CEP192: variants seen among roughly 807,000 people sequenced by gnomAD.
The protein encoded by CEP192 is centrosomal protein of 192 kDa.
Under a neutral mutation model 271.8 loss-of-function variants are expected in CEP192, and 151 were observed. That is an observed-to-expected ratio of 0.56 (90% confidence interval 0.49 to 0.64). The LOEUF (loss-of-function observed/expected upper bound fraction) is 0.64. CEP192 is among the 30% of genes least tolerant of loss of function. CEP192 has a pLI of 0.00. For synonymous variants in CEP192, 995 were observed against 1,076.5 expected, an observed-to-expected ratio of 0.92 and a Z score of 1.48; for missense variants, 2,910 against 3,020.5, an observed-to-expected ratio of 0.96 and a Z score of 0.86.
At chr18:13,037,698 G>A (rs2143729120) in intron 12 of CEP192, among the ~76,000 whole-genome samples, 1 of 152,284 alleles carries the variant, frequency 6.6e-6, no homozygotes, top group East Asian at 1.9e-4. Context: ...TGGGATTGCA[G>A]GCATGTGCTA....
chr18:12,992,487 C>T (rs1353014027), intron 1 of CEP192, among the ~76,000 whole-genome samples: 1 of 151,786 alleles, frequency 6.6e-6, no homozygotes, highest in Admixed American at 6.6e-5. Flanking sequence ...AATTTGAGGT[C>T]ACTACTTTAA....
At chr18:13,069,337 T>C (rs2144401487) in intron 26 of CEP192, among the ~76,000 whole-genome samples, 156 bp downstream of exon 26, 1 of 152,206 alleles carries the variant, frequency 6.6e-6, no homozygotes, top group East Asian at 1.9e-4. Context: ...GGGTGTTATA[T>C]AGCATAAAAT....
In CEP192 at chr18:13,072,666, A is replaced by G. The variant is rs1598514394; in HGVS notation, c.5349-89A>G. ...TTGTATAGTTAGTCCATCTCTAGAC[A>G]TTGTGGTTGGTTTTAATTGGCTTTA... is the stretch of plus-strand genomic sequence containing the variant. On this transcript the variant is annotated intron_variant, in intron 28 of 44. Coordinates refer to ENST00000506447, the MANE Select transcript of CEP192 (RefSeq NM_032142.4). 1.1e-5 allele frequency: 9 copies of G among 845,820 alleles called. No individual in the cohort carries two copies. The East Asian group carries it at 1.7e-4, about 16-fold the overall frequency. The allele number at this position is 845,820 out of a possible 1,614,324, so 52.4% of individuals were successfully genotyped here.
At chr18:13,033,180 G>T (rs1019844019) in intron 11 of CEP192, among the ~76,000 whole-genome samples, 7 of 152,074 alleles carry the variant, frequency 4.6e-5, no homozygotes, top group Non-Finnish European at 1.0e-4. Flanking sequence ...GAGAATAAAA[G>T]ATTTGCAATT....
chr18:13,089,615 A>G (rs754895589), intron 33 of CEP192, 50 bp downstream of exon 33: 11 of 887,774 alleles, frequency 1.2e-5, no homozygotes, highest in Non-Finnish European at 1.7e-5. Flanking sequence ...GGTCATTTAT[A>G]GTATTATCTA....
At chr18:13,024,267 C>A in intron 9 of CEP192, 1 of 454,282 alleles carries the variant, frequency 2.2e-6, no homozygotes, top group Non-Finnish European at 4.4e-6. Flanking sequence ...TGATAACTTT[C>A]CCTACTTTGA....
intron 21 of CEP192, among the ~76,000 whole-genome samples, chr18:13,064,706 C>G (rs2037597490): frequency 6.6e-6 from 1 of 151,464 alleles, no homozygotes; most frequent in African/African-American, 2.4e-5. Flanking sequence ...TGGTTTTATG[C>G]CAGTACCATG....
At chr18:13,109,986 G>A (rs12607661) in intron 40 of CEP192, among the ~76,000 whole-genome samples, 20,851 of 152,004 alleles carry the variant, frequency 0.14, 1,585 homozygotes, top group East Asian at 0.32. Context: ...TGAACCCCTC[G>A]AATATGTTTT....
At chr18:13,048,446 A>G (rs921115303) in intron 15 of CEP192, among the ~76,000 whole-genome samples, 1 of 152,228 alleles carries the variant, frequency 6.6e-6, no homozygotes, top group African/African-American at 2.4e-5. Context: ...ATTTGGATAC[A>G]CCAGAGAGGA....
intron 21 of CEP192, among the ~76,000 whole-genome samples, chr18:13,067,152 A>G (rs758999580): frequency 6.6e-6 from 1 of 152,228 alleles, no homozygotes; most frequent in Non-Finnish European, 1.5e-5. Context: ...TTCTCTAACA[A>G]TAAAGTATAA....
At chr18:13,034,555 C>T (rs2035809762) in intron 11 of CEP192, among the ~76,000 whole-genome samples, 1 of 151,996 alleles carries the variant, frequency 6.6e-6, no homozygotes, top group African/African-American at 2.4e-5. Flanking sequence ...CGCCTGTAAT[C>T]CCAGCACTTT....
chr18:13,011,413 A>G (rs1452710927), intron 4 of CEP192, among the ~76,000 whole-genome samples: 1 of 152,206 alleles, frequency 6.6e-6, no homozygotes, highest in African/African-American at 2.4e-5. Context: ...GCAGTTTGAC[A>G]GTTCCTCAAA....
Position 13,030,003 on chromosome 18 carries a change from G to GT in CEP192, c.1390+2dup. 1 of 1,527,266 alleles carries GT rather than the reference G, an allele frequency of 6.5e-7. No homozygotes were observed. The allele number at this position is 1,527,266 out of a possible 1,614,324, so 94.6% of individuals were successfully genotyped here. On this transcript the variant is annotated splice_donor_variant, in intron 10 of 44. Transcript: ENST00000506447. LOFTEE classifies it high-confidence loss of function. ...GAGTCCATCGAAAAGAATAAAGACA[G>GT]TAAGTGGACTTTTTAAAAAATAGAG... is the stretch of plus-strand genomic sequence containing the variant.
At chr18:13,054,669 A>C (rs2036985540) in intron 18 of CEP192, among the ~76,000 whole-genome samples, 1 of 152,240 alleles carries the variant, frequency 6.6e-6, no homozygotes, top group African/African-American at 2.4e-5. Flanking sequence ...CTTGTCACCT[A>C]GTAAGTCACC....
In CEP192 at chr18:13,018,588, A is replaced by G. The variant is rs1392338752; in HGVS notation, c.898A>G (p.Ser300Gly). The G allele has an allele frequency of 2.6e-6, 4 of 1,539,540 alleles. No individual in the cohort carries two copies. The East Asian group carries it at 7.4e-5, about 28-fold the overall frequency. ...SETTHKESEE[S>G]QVICLPGTSN... ...AACAACTCACAAAGAGTCTGAGGAAAGCCAAGTTATTTGTCTACCTGGGAC... is the reference window on the plus strand; with the variant it reads ...AACAACTCACAAAGAGTCTGAGGAAGGCCAAGTTATTTGTCTACCTGGGAC... The change falls in exon 8 of 45, where the codon AGC (serine) becomes GGC (glycine). Residue 300 changes from serine to glycine, a missense_variant. Coordinates refer to ENST00000506447, the MANE Select transcript of CEP192 (RefSeq NM_032142.4).
At chr18:13,072,899 T>G (rs778741004) in intron 29 of CEP192, 54 bp downstream of exon 29, 4 of 1,529,066 alleles carry the variant, frequency 2.6e-6, no homozygotes, top group Non-Finnish European at 3.6e-6. Flanking sequence ...CTGGAACACT[T>G]GCATATGCAG....
At chr18:13,038,696 A>G in intron 13 of CEP192, 117 bp downstream of exon 13, 1 of 786,262 alleles carries the variant, frequency 1.3e-6, no homozygotes, top group South Asian at 1.7e-5. Context: ...AGAGTGGTAA[A>G]AAACTTAGGT....
chr18:13,030,524 C>A lies in CEP192; in HGVS notation c.1450C>A (p.Leu484Ile), dbSNP rs762930800. 6.2e-7 allele frequency: 1 copy of A among 1,612,324 alleles called. No homozygotes were observed. Among genetic ancestry groups the A allele is most frequent in the South Asian group, 1.1e-5 (1 of 91,010 alleles). The change falls in exon 11 of 45, where the codon CTT (leucine) becomes ATT (isoleucine). Residue 484 changes from leucine to isoleucine, a missense_variant. Physicochemically the swap from Leu to Ile is conservative, Grantham distance 5. Transcript: ENST00000506447. ...TGAAGAGGGTAGGTGGGTCACAGAC[C>A]TTGCCTATTACACATCTTTTAATAG... ...QNEEGRWVTD[L>I]AYYTSFNSKQ... is the part of the protein sequence containing the mutation.
At chr18:13,042,980 T>G (rs1304402767) in intron 15 of CEP192, among the ~76,000 whole-genome samples, 1 of 152,216 alleles carries the variant, frequency 6.6e-6, no homozygotes, top group Non-Finnish European at 1.5e-5. Flanking sequence ...TTCATTTCAG[T>G]GGTTTTGACA....
Sources: gnomAD v4.1 joint callset for allele counts (sites outside exome capture counted in the v4.1 genomes callset) on GRCh38, gnomAD v4.1.1 for gene constraint, MANE v1.5 for transcripts, NCBI Gene and HGNC (gene_info 2026-07-23, HGNC 2026-07-21) for gene names.